DNAH14: variants seen among roughly 807,000 people sequenced by gnomAD.
The protein encoded by DNAH14 is axonemal beta dynein heavy chain 14.
DNAH14 carries 478 observed loss-of-function variants against 520.9 expected under a neutral mutation model. The ratio of observed to expected loss-of-function variants is 0.92; its 90% CI spans 0.85 to 0.99. The LOEUF (loss-of-function observed/expected upper bound fraction) is 0.99. Among genes scored for constraint, DNAH14 ranks in the 50% least tolerant of loss-of-function variants. The pLI is 0.00. For synonymous variants in DNAH14, 1,581 were observed against 1,757.2 expected, an observed-to-expected ratio of 0.90 and a Z score of 2.51; for missense variants, 4,831 against 5,234.5, an observed-to-expected ratio of 0.92 and a Z score of 2.38.
Position 225,152,791 on chromosome 1 carries a change from A to G in DNAH14, c.5104A>G (p.Ile1702Val), listed in dbSNP as rs1244800531. The change falls in exon 33 of 86, where the codon ATA (isoleucine) becomes GTA (valine). Residue 1702 changes from isoleucine to valine, a missense_variant. By Grantham distance (29) the Ile-to-Val change is conservative (BLOSUM62 3). Transcript: ENST00000682510. Reference protein sequence around the residue: ...VPHYQMIAEIILFSFGFKSAN... With the variant: ...VPHYQMIAEIVLFSFGFKSAN... ...CCATTATCAAATGATTGCTGAAATAATATTGTTTTCATTTGGTTTCAAATC... is the reference window on the plus strand; with the variant it reads ...CCATTATCAAATGATTGCTGAAATAGTATTGTTTTCATTTGGTTTCAAATC... The G allele has an allele frequency of 6.4e-7, 1 of 1,551,450 alleles. No individual in the cohort carries two copies. Among genetic ancestry groups the G allele is most frequent in the Admixed American group, 2.0e-5 (1 of 50,980 alleles).
chr1:224,933,687 A>C (rs1319438059), intron 1 of DNAH14, among the ~76,000 whole-genome samples: 1 of 152,082 alleles, frequency 6.6e-6, no homozygotes, highest in African/African-American at 2.4e-5. Context: ...TGAGATTATC[A>C]AATGGCTTTT....
rs1204722286 is a variant in DNAH14 at position 224,952,666 on chromosome 1, A to G, written c.-33-4A>G. 5 of 1,453,628 alleles carry G rather than the reference A, an allele frequency of 3.4e-6. No individual in the cohort carries two copies. In the South Asian group the frequency reaches 6.7e-5, roughly 19 times the overall value. 90.0% of individuals were successfully genotyped at this position (1,453,628 alleles called of 1,614,324 possible). A position where few individuals can be genotyped will look rare whatever the true frequency, so the allele number is the denominator to read the frequency against. On this transcript the variant is annotated splice_region_variant and splice_polypyrimidine_tract_variant and intron_variant, in intron 1 of 85. Transcript: ENST00000682510. ...TAAATATAATAATGTGAATTTTGTT[A>G]CAGCCAGTTCCTTTATAGTTTTGTT...
chr1:225,241,757 G>T lies in DNAH14; in HGVS notation c.6748+935G>T, dbSNP rs376171710. On this transcript the variant is annotated intron_variant, in intron 43 of 85. Transcript: ENST00000682510. ...GGTACAGTAAAAATTCAGTATAAAA[G>T]ATTTAAAATATGGTACACCTGAATA... Among the ~76,000 whole-genome samples, 6 of 152,214 alleles carry T rather than the reference G, an allele frequency of 3.9e-5. 1 individual carries two copies. The East Asian group carries it at 9.6e-4, about 24-fold the overall frequency.
At chr1:225,035,921 A>G (rs985482999) in intron 11 of DNAH14, among the ~76,000 whole-genome samples, 1 of 152,060 alleles carries the variant, frequency 6.6e-6, no homozygotes, top group Non-Finnish European at 1.5e-5. Context: ...CAAGGGTGAA[A>G]GTGTGGTGTT....
intron 37 of DNAH14, among the ~76,000 whole-genome samples, chr1:225,192,257 A>C (rs1250584978): frequency 6.6e-6 from 1 of 152,100 alleles, no homozygotes; most frequent in Non-Finnish European, 1.5e-5. Flanking sequence ...TTTCTGCCTG[A>C]CATCTGAGAT....
intron 10 of DNAH14, among the ~76,000 whole-genome samples, chr1:225,009,604 A>C (rs186706295): frequency 6.6e-6 from 1 of 152,160 alleles, no homozygotes; most frequent in Non-Finnish European, 1.5e-5. Flanking sequence ...TTTTGGTTCC[A>C]TATTAAATTT....
chr1:225,026,865 T>G (rs1415296718), intron 11 of DNAH14, among the ~76,000 whole-genome samples: 1 of 152,156 alleles, frequency 6.6e-6, no homozygotes, highest in Non-Finnish European at 1.5e-5. Flanking sequence ...TTCATTCTAA[T>G]AGTATAGTCT....
chr1:225,395,762 T>C (rs7539172), intron 84 of DNAH14: 77,577 of 152,020 alleles, frequency 0.51, 22,202 homozygotes, highest in East Asian at 0.74. Flanking sequence ...TACTTCTTGT[T>C]TTCCGGTGCT....
chr1:225,051,625 A>C lies in DNAH14; in HGVS notation c.2254A>C (p.Asn752His). Residue 752 changes from asparagine to histidine, a missense_variant, in exon 17 of 86, where the codon AAC becomes CAC. By Grantham distance (68) the Asn-to-His change is moderately conservative. Coordinates refer to ENST00000682510, the MANE Select transcript of DNAH14 (RefSeq NM_001367479.1). ...EFEAILNRFR[N>H]YFRHIVNMAI... The stretch of plus-strand genomic sequence containing the variant: ...TGAAGCTATTCTAAATAGATTCAGA[A>C]ACTATTTTAGACATATTGTGAATAT... The C allele has an allele frequency of 6.4e-7, 1 of 1,551,066 alleles. No homozygotes were observed. Among genetic ancestry groups the C allele is most frequent in the Non-Finnish European group, 8.7e-7 (1 of 1,146,616 alleles).
chr1:225,271,907 C>A lies in DNAH14; in HGVS notation c.7673C>A (p.Ala2558Asp), dbSNP rs1207247090. 1.9e-6 allele frequency: 3 copies of A among 1,540,122 alleles called. No homozygotes were observed. Among genetic ancestry groups the A allele is most frequent in the Non-Finnish European group, 2.6e-6 (3 of 1,144,052 alleles). The change falls in exon 51 of 86, where the codon GCT becomes GAT. Residue 2558 changes from alanine to aspartate, a missense_variant and splice_region_variant. Ala to Asp is a moderately radical substitution (Grantham distance 126). Coordinates refer to ENST00000682510, the MANE Select transcript of DNAH14 (RefSeq NM_001367479.1). ...SQDILCTIFQ[A>D]HLGIYFSINN... The stretch of plus-strand genomic sequence containing the variant: ...AAATTATAACATTTCTTTTTAAAGG[C>A]TCATTTGGGAATTTATTTCTCCATC...
chr1:225,156,964 C>T (rs1326297709), intron 34 of DNAH14, among the ~76,000 whole-genome samples: 1 of 109,440 alleles, frequency 9.1e-6, no homozygotes, highest in African/African-American at 3.9e-5. Context: ...ATCCGCCCGC[C>T]TCGGCCTCCC....
Position 225,038,766 on chromosome 1 carries a change from G to T in DNAH14, c.1431G>T (p.Lys477Asn). 6.5e-7 allele frequency: 1 copy of T among 1,534,690 alleles called. No homozygotes were observed. Among genetic ancestry groups the T allele is most frequent in the Admixed American group, 2.1e-5 (1 of 47,418 alleles). Residue 477 changes from lysine (K) to asparagine (N), a missense_variant, in exon 12 of 86, where the codon AAG (lysine) becomes AAT (asparagine). Coordinates refer to ENST00000682510, the MANE Select transcript of DNAH14 (RefSeq NM_001367479.1). ...NDCEELVDNS[K>N]LHAISVQKSE... ...GTGAAGAACTTGTTGATAATTCAAA[G>T]TTACATGCTATTTCTGTTCAAAAGT...
chr1:225,039,685 G>C (rs941685812), intron 12 of DNAH14, among the ~76,000 whole-genome samples: 1 of 150,584 alleles, frequency 6.6e-6, no homozygotes, highest in Non-Finnish European at 1.5e-5. Context: ...ATCCTATTTG[G>C]TAAAAGTAGC....
chr1:225,068,029 A>G (rs1016154877), intron 17 of DNAH14, among the ~76,000 whole-genome samples: 3 of 152,152 alleles, frequency 2.0e-5, no homozygotes, highest in African/African-American at 7.2e-5. Context: ...GCCCATGCCT[A>G]TGTCCTGAAT....
chr1:224,977,223 T>G (rs1376723577), intron 8 of DNAH14, among the ~76,000 whole-genome samples: 1 of 151,414 alleles, frequency 6.6e-6, no homozygotes, highest in Non-Finnish European at 1.5e-5. Context: ...TCATTCTCAG[T>G]AGACTATCGC....
intron 34 of DNAH14, among the ~76,000 whole-genome samples, chr1:225,154,134 T>A (rs1000198154): frequency 3.3e-5 from 5 of 152,152 alleles, no homozygotes; most frequent in Middle Eastern, 6.8e-3. Flanking sequence ...ACTATATGAA[T>A]ATACCTATGT....
chr1:225,357,337 A>G (rs559411175), intron 73 of DNAH14, among the ~76,000 whole-genome samples: 2 of 152,252 alleles, frequency 1.3e-5, no homozygotes, highest in African/African-American at 4.8e-5. Flanking sequence ...ATAGTCCTCA[A>G]GGTTAAAATT....
chr1:225,116,313 A>G (rs1429627420), intron 23 of DNAH14, among the ~76,000 whole-genome samples: 1 of 152,194 alleles, frequency 6.6e-6, no homozygotes, highest in Non-Finnish European at 1.5e-5. Context: ...TTAAATCAGA[A>G]ATATCTGTCT....
intron 82 of DNAH14, 150 bp from the exon 83 acceptor site, chr1:225,389,584 G>C (rs1443078050): frequency 6.1e-6 from 5 of 819,050 alleles, no homozygotes; most frequent in South Asian, 2.3e-5. Flanking sequence ...ACCATAGCTG[G>C]CTTCCATTCA....
Sources: gnomAD v4.1 joint callset for allele counts (sites outside exome capture counted in the v4.1 genomes callset) on GRCh38, gnomAD v4.1.1 for gene constraint, MANE v1.5 for transcripts, NCBI Gene and HGNC (gene_info 2026-07-23, HGNC 2026-07-21) for gene names.